VLDLR: variants seen among roughly 807,000 people sequenced by gnomAD.
VLDLR encodes very low-density lipoprotein receptor.
A neutral mutation model predicts 112.7 loss-of-function variants in VLDLR; 81 were observed. That is an observed-to-expected ratio of 0.72 (90% CI 0.60 to 0.86). The LOEUF is 0.86. Ranked by LOEUF, VLDLR falls within the 40% of genes least tolerant of loss-of-function variation. The pLI, the probability that VLDLR is intolerant of heterozygous loss-of-function variation, is 0.00. For missense variants in VLDLR, 1,237 were observed against 1,099.4 expected (o/e 1.13, Z -1.77); for synonymous variants, 436 against 384.8 (o/e 1.13, Z -1.56).
intron 2 of VLDLR, 37 bp from the exon 3 acceptor site, chr9:2,639,822 T>C (rs1165109506): frequency 1.2e-6 from 2 of 1,613,874 alleles, no homozygotes; most frequent in African/African-American, 2.7e-5. Flanking sequence ...TGTGGGTAAA[T>C]GACTTCAACT....
At chr9:2,644,631 G>C in intron 7 of VLDLR, 103 bp from the exon 8 acceptor site, 2 of 1,520,202 alleles carry the variant, frequency 1.3e-6, no homozygotes, top group Non-Finnish European at 1.8e-6. Context: ...TCGTGGGTTT[G>C]ACCAGGCCAA....
At chr9:2,648,113 A>G in intron 12 of VLDLR, 95 bp from the exon 13 acceptor site, 1 of 1,547,974 alleles carries the variant, frequency 6.5e-7, no homozygotes. Flanking sequence ...CTGGGGAAAG[A>G]ACCGTGAAAG....
chr9:2,635,337 T>C, intron 1 of VLDLR, 116 bp from the exon 2 acceptor site: 2 of 1,521,182 alleles, frequency 1.3e-6, no homozygotes, highest in Admixed American at 3.4e-5. Flanking sequence ...GCCCTTAGGA[T>C]GTCATAGCCT....
chr9:2,646,601 G>A, intron 11 of VLDLR, 49 bp downstream of exon 11: 1 of 1,563,048 alleles, frequency 6.4e-7, no homozygotes, highest in Non-Finnish European at 8.8e-7. Flanking sequence ...ATCTGTGTAG[G>A]TCAGGAGCTT....
intron 1 of VLDLR, among the ~76,000 whole-genome samples, chr9:2,623,601 G>C (rs1816941468): frequency 6.6e-6 from 1 of 152,232 alleles, no homozygotes; most frequent in Non-Finnish European, 1.5e-5. Context: ...CCACTGTCCG[G>C]AGCGTGTGAA....
At position 2,654,825 on chromosome 9, in the gene VLDLR, TTC is replaced by T. The variant is rs1818532756; in HGVS notation, c.*959_*960del. On this transcript the variant is annotated 3_prime_UTR_variant, in exon 19 of 19. Coordinates refer to ENST00000382100, the MANE Select transcript of VLDLR (RefSeq NM_003383.5). ...TATAGTTAAGTCTCTGTTTTCCATG[TTC>T]TGTCATTTATATAGGTCAAGGACAA... 6.6e-6 allele frequency: 1 copy of T among 152,214 alleles called. No homozygotes were observed. Among genetic ancestry groups the T allele is most frequent in the Admixed American group, 6.5e-5 (1 of 15,280 alleles). The allele number at this position is 152,214 out of a possible 1,614,324, so 9.4% of individuals were successfully genotyped here. A position where few individuals can be genotyped will look rare whatever the true frequency, so the allele number is the denominator to read the frequency against.
In VLDLR at chr9:2,653,919, C is replaced by T. The variant is rs752035004; in HGVS notation, c.*51C>T. On this transcript the variant is annotated 3_prime_UTR_variant, in exon 19 of 19. Coordinates refer to ENST00000382100, the MANE Select transcript of VLDLR (RefSeq NM_003383.5). ...AGGTCTAAACAAATAATACCCCCGTCGGAATGGTAACCGAGCCAGCAGCTG... is the reference window on the plus strand; with the variant it reads ...AGGTCTAAACAAATAATACCCCCGTTGGAATGGTAACCGAGCCAGCAGCTG... 44 of 1,599,098 alleles carry T rather than the reference C, an allele frequency of 2.8e-5. No individual in the cohort carries two copies. Among genetic ancestry groups the T allele is most frequent in the South Asian group, 1.5e-4 (14 of 90,714 alleles).
intron 1 of VLDLR, among the ~76,000 whole-genome samples, chr9:2,624,014 C>T (rs1324208294): frequency 2.0e-5 from 3 of 152,068 alleles, no homozygotes; most frequent in African/African-American, 4.8e-5. Context: ...GACAATTATC[C>T]AGGAAGGTGA....
At position 2,655,627 on chromosome 9, in the gene VLDLR, T is replaced by C. The variant is rs1677204767; in HGVS notation, c.*1759T>C. 6.6e-6 allele frequency: 1 copy of C among 151,790 alleles called. No individual in the cohort carries two copies. Among genetic ancestry groups the C allele is most frequent in the African/African-American group, 2.4e-5 (1 of 41,328 alleles). 9.4% of individuals were successfully genotyped at this position (151,790 alleles called of 1,614,324 possible). A position where few individuals can be genotyped will look rare whatever the true frequency, so the allele number is the denominator to read the frequency against. On this transcript the variant is annotated 3_prime_UTR_variant, in exon 19 of 19. Transcript: ENST00000382100. ...TTAATCCTACTAGATGAAGGGGAAG[T>C]TGGTTCTGTTGTCTTAAGGGATGCC...
chr9:2,645,306 G>T (rs528516769), intron 9 of VLDLR, among the ~76,000 whole-genome samples: 4 of 152,252 alleles, frequency 2.6e-5, no homozygotes, highest in African/African-American at 9.6e-5. Flanking sequence ...TACCAGGTTT[G>T]CATGCTCTGT....
intron 18 of VLDLR, 84 bp from the exon 19 acceptor site, chr9:2,653,749 T>C: frequency 6.6e-7 from 1 of 1,509,286 alleles, no homozygotes. Context: ...AATGACCAAC[T>C]CAAAAGCAAG....
In VLDLR at chr9:2,645,728, C is replaced by T. The variant is rs1246557485; in HGVS notation, c.1467C>T (p.Ser489=). ...AAQKLFWADL[S]QKAIFSASID... ...AGAAACTATTCTGGGCCGATCTAAG[C>T]CAAAAGGCTATCTTCAGGTAACTTT... Residue 489 remains serine (S), a synonymous_variant, in exon 10 of 19, where the codon AGC becomes AGT. Transcript: ENST00000382100. The T allele has an allele frequency of 1.2e-6, 2 of 1,614,150 alleles. No individual in the cohort carries two copies. The highest frequency in any genetic ancestry group is 1.1e-5 in the South Asian group (1 of 91,078).
chr9:2,633,088 G>GTGTGTGTGT (rs59441983), intron 1 of VLDLR, among the ~76,000 whole-genome samples: 1 of 148,568 alleles, frequency 6.7e-6, no homozygotes, highest in Admixed American at 6.7e-5. Context: ...GTGTGTGTGT[G>GTGTGTGTGT]GTTGAGAGAG....
rs549737169 is a variant in VLDLR at position 2,625,344 on chromosome 9, A to G, written c.82+3073A>G. ...TTCGGGTTTTGATCCCAAACCTTGA[A>G]GACTTGGCACACAGCATAGAAATAC... On this transcript the variant is annotated intron_variant, in intron 1 of 18. Transcript: ENST00000382100. Among the ~76,000 whole-genome samples the G allele has an allele frequency of 5.2e-4, 79 of 152,350 alleles. No individual in the cohort carries two copies. The South Asian group carries it at 0.015, about 28-fold the overall frequency.
chr9:2,647,832 G>A (rs147655203), intron 12 of VLDLR: 8 of 613,868 alleles, frequency 1.3e-5, no homozygotes, highest in Non-Finnish European at 1.8e-5. Context: ...TTCAGTGAAC[G>A]TTGGGTCTTG....
Position 2,653,944 on chromosome 9 carries a change from G to A in VLDLR, c.*76G>A. On this transcript the variant is annotated 3_prime_UTR_variant, in exon 19 of 19. Transcript: ENST00000382100. ...CGGAATGGTAACCGAGCCAGCAGCT[G>A]AAGTCTCTTTTTCTTCCTCTCGGCT... 6.6e-7 allele frequency: 1 copy of A among 1,508,718 alleles called. No individual in the cohort carries two copies. The highest frequency in any genetic ancestry group is 1.1e-5 in the South Asian group (1 of 88,924). The allele number at this position is 1,508,718 out of a possible 1,614,324, so 93.5% of individuals were successfully genotyped here.
chr9:2,627,604 C>A (rs1817152479), intron 1 of VLDLR, among the ~76,000 whole-genome samples: 1 of 152,172 alleles, frequency 6.6e-6, no homozygotes, highest in African/African-American at 2.4e-5. Flanking sequence ...GTGGCTCAAA[C>A]CTATAATCCC....
chr9:2,621,994 A>G lies in VLDLR; in HGVS notation c.-196A>G. 6.2e-6 allele frequency: 4 copies of G among 648,504 alleles called. No homozygotes were observed. Among genetic ancestry groups the G allele is most frequent in the South Asian group, 1.7e-5 (1 of 59,480 alleles). The allele number at this position is 648,504 out of a possible 1,614,324, so 40.2% of individuals were successfully genotyped here. A position where few individuals can be genotyped will look rare whatever the true frequency, so the allele number is the denominator to read the frequency against. ...CGGGGAGGTGGCTGGGTGGGTGGGG[A>G]GGAGACTGTGCAAGTTGTAGGGGAG... On this transcript the variant is annotated 5_prime_UTR_variant, in exon 1 of 19. Transcript: ENST00000382100.
intron 11 of VLDLR, 118 bp from the exon 12 acceptor site, chr9:2,647,356 A>T: frequency 1.3e-6 from 1 of 790,470 alleles, no homozygotes; most frequent in Non-Finnish European, 2.3e-6. Context: ...AAGTGTTACT[A>T]TTTGTCACTA....
Sources: gnomAD v4.1 joint callset for allele counts (sites outside exome capture counted in the v4.1 genomes callset) on GRCh38, gnomAD v4.1.1 for gene constraint, MANE v1.5 for transcripts, NCBI Gene and HGNC (gene_info 2026-07-23, HGNC 2026-07-21) for gene names.